Variants in LRMDA observed in about 807,000 individuals in gnomAD.
LRMDA encodes the protein leucine rich melanocyte differentiation associated, also known as leucine-rich melanocyte differentiation-associated protein.
Under a neutral mutation model 29.8 loss-of-function variants are expected in LRMDA, and 18 were observed. That is an observed-to-expected ratio of 0.60 (90% CI 0.42 to 0.90). The LOEUF (loss-of-function observed/expected upper bound fraction) is 0.90, where lower values mean the gene tolerates loss of function less well. Ranked by LOEUF, LRMDA falls within the 40% of genes least tolerant of loss-of-function variation. LRMDA has a pLI of 0.00. For missense variants in LRMDA, 273 were observed against 273.9 expected (o/e 1.00, Z 0.02); for synonymous variants, 125 against 109.4 (o/e 1.14, Z -0.89).
chr10:76,091,276 CGTGTGTGTGTGTGTGTGTGT>C (rs56145957), intron 5 of LRMDA, among the ~76,000 whole-genome samples: 1 of 146,802 alleles, frequency 6.8e-6, no homozygotes, highest in African/African-American at 2.5e-5. Context: ...ACATGGTGGA[CGTGTGTGTGTGTGTGTGTGT>C]GTGTGTGTGT....
intron 2 of LRMDA, among the ~76,000 whole-genome samples, chr10:75,661,166 G>A (rs1218585390): frequency 1.3e-5 from 2 of 152,104 alleles, no homozygotes; most frequent in African/African-American, 2.4e-5. Flanking sequence ...TCCTGCCACC[G>A]CCCCTCCGTG....
rs1464522319 is a variant in LRMDA at position 76,557,392 on chromosome 10, T to C, written c.*104T>C. ...AAAAAACAATAGCCCACATTGCCTC[T>C]CTTTGGGAAAAGCTATGACTTCAGC... On this transcript the variant is annotated 3_prime_UTR_variant, in exon 7 of 7. Transcript: ENST00000611255. 73 of 935,742 alleles carry C rather than the reference T, an allele frequency of 7.8e-5. No homozygotes were observed. In the Admixed American group the frequency reaches 1.2e-3, roughly 15 times the overall value. The allele number at this position is 935,742 out of a possible 1,614,324, so 58.0% of individuals were successfully genotyped here. A position where few individuals can be genotyped will look rare whatever the true frequency, so the allele number is the denominator to read the frequency against.
At chr10:75,647,717 T>C (rs1033462253) in intron 2 of LRMDA, 3 of 152,156 alleles carry the variant, frequency 2.0e-5, no homozygotes, top group Non-Finnish European at 4.4e-5. Flanking sequence ...AAAGGACTTA[T>C]AAAGGCACTG....
chr10:76,146,539 G>A lies in LRMDA; in HGVS notation c.516+87756G>A, dbSNP rs565641678. 9.2e-5 allele frequency among the ~76,000 whole-genome samples: 14 copies of A among 152,018 alleles called. No individual in the cohort carries two copies. In the South Asian group the frequency reaches 2.9e-3, roughly 32 times the overall value. On this transcript the variant is annotated intron_variant, in intron 5 of 6. Transcript: ENST00000611255. Reference sequence around the variant, plus strand: ...CACTGCCTTTTTTTGTTTTCCATTTGCTTGGTAGATCTTCCTCCATCCCTT... The same window carrying A: ...CACTGCCTTTTTTTGTTTTCCATTTACTTGGTAGATCTTCCTCCATCCCTT...
At chr10:76,182,436 A>G (rs1369607625) in intron 5 of LRMDA, among the ~76,000 whole-genome samples, 1 of 152,154 alleles carries the variant, frequency 6.6e-6, no homozygotes, top group Non-Finnish European at 1.5e-5. Flanking sequence ...AGTAAACAAA[A>G]CATTGTATGT....
intron 2 of LRMDA, among the ~76,000 whole-genome samples, chr10:75,564,623 C>T (rs1010274065): frequency 2.6e-5 from 4 of 152,230 alleles, no homozygotes; most frequent in African/African-American, 4.8e-5. Context: ...CCATCTTCTG[C>T]GTCGCTCACG....
chr10:75,654,226 C>T (rs1236740020), intron 2 of LRMDA, among the ~76,000 whole-genome samples: 1 of 152,190 alleles, frequency 6.6e-6, no homozygotes, highest in Non-Finnish European at 1.5e-5. Context: ...TTGGCTCTAT[C>T]ACTTACTGGC....
intron 2 of LRMDA, among the ~76,000 whole-genome samples, chr10:75,839,671 A>G (rs527697773): frequency 7.2e-6 from 1 of 139,506 alleles, no homozygotes; most frequent in Non-Finnish European, 1.5e-5. Flanking sequence ...CTACCTTCCA[A>G]TTCTACTCCT....
intron 2 of LRMDA, among the ~76,000 whole-genome samples, chr10:75,454,678 G>C (rs1844495348): frequency 6.6e-6 from 1 of 152,198 alleles, no homozygotes; most frequent in South Asian, 2.1e-4. Flanking sequence ...GTCTGTCCTG[G>C]TTGGCTCACG....
intron 2 of LRMDA, among the ~76,000 whole-genome samples, chr10:75,739,134 A>G (rs1193950878): frequency 1.3e-5 from 2 of 152,340 alleles, no homozygotes; most frequent in East Asian, 1.9e-4. Flanking sequence ...AGCATGTCAC[A>G]TGTAGCCAGT....
intron 2 of LRMDA, among the ~76,000 whole-genome samples, chr10:75,833,397 G>A (rs1844379721): frequency 6.6e-6 from 1 of 152,166 alleles, no homozygotes; most frequent in African/African-American, 2.4e-5. Context: ...CAAGGGCTGT[G>A]ATCTCTCCAT....
chr10:75,561,656 TTG>T lies in LRMDA; in HGVS notation c.131+123165_131+123166del, dbSNP rs1453468314. Among the ~76,000 whole-genome samples the T allele has an allele frequency of 6.9e-4, 105 of 151,714 alleles. 1 individual carries two copies. The East Asian group carries it at 0.017, about 24-fold the overall frequency. On this transcript the variant is annotated intron_variant, in intron 2 of 6. Transcript: ENST00000611255. ...AATTTTGGATCTTTCCTGCTTTCTC[TTG>T]TGGGCATTTAGTGCTATAAATTTCC...
intron 2 of LRMDA, among the ~76,000 whole-genome samples, chr10:75,443,266 A>G (rs531426814): frequency 1.2e-4 from 18 of 152,296 alleles, no homozygotes; most frequent in Non-Finnish European, 1.8e-4. Flanking sequence ...GAGAGTGGGC[A>G]TCCTTATTCC....
intron 2 of LRMDA, among the ~76,000 whole-genome samples, chr10:75,858,947 T>C (rs1304420887): frequency 2.6e-5 from 4 of 152,266 alleles, no homozygotes; most frequent in Admixed American, 2.6e-4. Context: ...CGTTTATTTA[T>C]GCATGCTAAA....
intron 6 of LRMDA, among the ~76,000 whole-genome samples, chr10:76,345,403 A>G (rs1841094701): frequency 6.7e-6 from 1 of 149,978 alleles, no homozygotes; most frequent in Non-Finnish European, 1.5e-5. Flanking sequence ...TCAAAAATGA[A>G]TATTGAACTT....
chr10:76,267,741 G>A (rs996155706), intron 5 of LRMDA, among the ~76,000 whole-genome samples: 1 of 152,146 alleles, frequency 6.6e-6, no homozygotes, highest in Non-Finnish European at 1.5e-5. Context: ...AATCTTGTGA[G>A]TAAAATCACC....
At chr10:76,205,481 G>A (rs1851517390) in intron 5 of LRMDA, among the ~76,000 whole-genome samples, 1 of 152,268 alleles carries the variant, frequency 6.6e-6, no homozygotes, top group South Asian at 2.1e-4. Context: ...CCAAAGAGTT[G>A]CTCAGTGAGA....
At chr10:76,556,554 C>A (rs747930368) in intron 6 of LRMDA, 2 of 152,172 alleles carry the variant, frequency 1.3e-5, no homozygotes, top group African/African-American at 2.4e-5. Flanking sequence ...GGAGTTTCAT[C>A]ATGTTAGACA....
intron 2 of LRMDA, among the ~76,000 whole-genome samples, chr10:75,831,058 T>C (rs1844333835): frequency 6.6e-6 from 1 of 152,138 alleles, no homozygotes; most frequent in African/African-American, 2.4e-5. Context: ...CTTTTTTTTT[T>C]TTTTGAGACA....
Sources: allele counts gnomAD v4.1 joint callset (sites outside exome capture counted in the v4.1 genomes callset), GRCh38; gene constraint gnomAD v4.1.1; transcripts MANE v1.5; gene names NCBI Gene and HGNC (gene_info 2026-07-23, HGNC 2026-07-21).